The following OR5H14 variants were observed in gnomAD, a reference collection of about 807,000 sequenced individuals.
OR5H14 encodes the protein olfactory receptor 5H14.
For missense variants in OR5H14, 392 were observed against 363.9 expected (o/e 1.08, Z -0.63); for synonymous variants, 155 against 130.6 (o/e 1.19, Z -1.28).
rs1213514344 is a variant in OR5H14, at chr3:98,152,869, T to C, written c.*2551T>C. 1 of 103,046 alleles carries C rather than the reference T, an allele frequency of 9.7e-6. No individual in the cohort carries two copies. Among genetic ancestry groups the C allele is most frequent in the Non-Finnish European group, 2.0e-5 (1 of 50,154 alleles). The allele number at this position is 103,046 out of a possible 1,614,324, so 6.4% of individuals were successfully genotyped here. On this transcript the variant is annotated 3_prime_UTR_variant, in exon 2 of 2. Transcript: ENST00000641380. ...GAGTTGGGGTTTCTGTGTGCTTAGG[T>C]AGAAACCCATTTTGCTGGAGCCACC...
At chr3:98,148,285 A>AG (rs775687114) in intron 1 of OR5H14, among the ~76,000 whole-genome samples, 2 of 152,116 alleles carry the variant, frequency 1.3e-5, no homozygotes, top group Non-Finnish European at 2.9e-5. Flanking sequence ...GCTATTTACC[A>AG]GACATATGTC....
rs758841750 is a variant in OR5H14, at chr3:98,150,083, G to C, written c.698G>C (p.Gly233Ala). The C allele has an allele frequency of 1.1e-5, 17 of 1,610,870 alleles. 1 individual carries two copies. The Admixed American group carries it at 2.7e-4, about 26-fold the overall frequency. Reference sequence around the variant, plus strand: ...ATCTTGAAAAAGAAGTCTGTCAAAGGTATGAGAAAAGCCTTCTCCACCTGT... The same window carrying C: ...ATCTTGAAAAAGAAGTCTGTCAAAGCTATGAGAAAAGCCTTCTCCACCTGT... ...YTILKKKSVKGMRKAFSTCGA... is the reference protein window; with the variant it reads ...YTILKKKSVKAMRKAFSTCGA... The change falls in exon 2 of 2, where the codon GGT becomes GCT. Residue 233 changes from glycine (G) to alanine (A), a missense_variant. By Grantham distance (60) the Gly-to-Ala change is moderately conservative. Transcript: ENST00000641380.
chr3:98,154,945 A>G lies in OR5H14; in HGVS notation c.*4627A>G, dbSNP rs1708564576. 1 of 152,228 alleles carries G rather than the reference A, an allele frequency of 6.6e-6. No individual in the cohort carries two copies. The highest frequency in any genetic ancestry group is 1.5e-5 in the Non-Finnish European group (1 of 68,038). 9.4% of individuals were successfully genotyped at this position (152,228 alleles called of 1,614,324 possible). A position where few individuals can be genotyped will look rare whatever the true frequency, so the allele number is the denominator to read the frequency against. ...AGATTAGAAATTATGGCTCCTGATC[A>G]TCATGCAACTGGAGGCCATGGAATT... On this transcript the variant is annotated 3_prime_UTR_variant, in exon 2 of 2. Transcript: ENST00000641380.
chr3:98,154,238 T>C lies in OR5H14; in HGVS notation c.*3920T>C, dbSNP rs1203889469. On this transcript the variant is annotated 3_prime_UTR_variant, in exon 2 of 2. Transcript: ENST00000641380. ...TACTTTGTGAATGGATTCTAGAGGA[T>C]TATTTGTTATTTTCCCAACCCTTTT... is the stretch of plus-strand genomic sequence containing the variant. The C allele has an allele frequency of 6.6e-6, 1 of 152,156 alleles. No homozygotes were observed. The highest frequency in any genetic ancestry group is 1.9e-4 in the East Asian group (1 of 5,184). 9.4% of individuals were successfully genotyped at this position (152,156 alleles called of 1,614,324 possible). A position where few individuals can be genotyped will look rare whatever the true frequency, so the allele number is the denominator to read the frequency against.
At position 98,150,151 on chromosome 3, in the gene OR5H14, G is replaced by A. The variant is rs148799830; in HGVS notation, c.766G>A (p.Ala256Thr). Reference sequence around the variant, plus strand: ...TGTATCTTTATACTATGGGCCCCTCGCCTTCATGTATATGGGCTCTGCATC... The same window carrying A: ...TGTATCTTTATACTATGGGCCCCTCACCTTCATGTATATGGGCTCTGCATC... ...LSVSLYYGPL[A>T]FMYMGSASPQ... The change falls in exon 2 of 2, where the codon GCC becomes ACC. Residue 256 changes from alanine to threonine, a missense_variant. Ala to Thr is a moderately conservative substitution (Grantham distance 58). Transcript: ENST00000641380. 104 of 1,611,958 alleles carry A rather than the reference G, an allele frequency of 6.5e-5. 1 individual carries two copies. In the South Asian group the frequency reaches 6.9e-4, roughly 11 times the overall value.
Position 98,155,633 on chromosome 3 carries a change from T to TCTAAGATATATATCAC in OR5H14, c.*5317_*5318insAAGATATATATCACCT, listed in dbSNP as rs1708579903. On this transcript the variant is annotated 3_prime_UTR_variant, in exon 2 of 2. Transcript: ENST00000641380. ...AGCTCACCTGGAAGTTAGATATATG[T>TCTAAGATATATATCAC]CTGGAGTTTCAGCTGCAGTTTGAAG... 6.6e-6 allele frequency: 1 copy of TCTAAGATATATATCAC among 152,254 alleles called. No individual in the cohort carries two copies. Among genetic ancestry groups the TCTAAGATATATATCAC allele is most frequent in the Non-Finnish European group, 1.5e-5 (1 of 68,044 alleles). 9.4% of individuals were successfully genotyped at this position (152,254 alleles called of 1,614,324 possible).
rs989170279 is a variant in OR5H14, at chr3:98,156,059, T to C, written c.*5741T>C. On this transcript the variant is annotated 3_prime_UTR_variant, in exon 2 of 2. Transcript: ENST00000641380. ...TTCAGTTCTCTGACTTTTTCTCTCC[T>C]GGTCAAAACGGAGATATACAATTGG... The C allele has an allele frequency of 6.6e-6, 1 of 152,164 alleles. No individual in the cohort carries two copies. Among genetic ancestry groups the C allele is most frequent in the Non-Finnish European group, 1.5e-5 (1 of 68,006 alleles). The allele number at this position is 152,164 out of a possible 1,614,324, so 9.4% of individuals were successfully genotyped here. A position where few individuals can be genotyped will look rare whatever the true frequency, so the allele number is the denominator to read the frequency against.
Position 98,150,440 on chromosome 3 carries a change from A to T in OR5H14, c.*122A>T, listed in dbSNP as rs1708490177. On this transcript the variant is annotated 3_prime_UTR_variant, in exon 2 of 2. Transcript: ENST00000641380. The stretch of plus-strand genomic sequence containing the variant: ...TTATAACTGTCCTAGCGCTTTAATG[A>T]CCTATGATATAAGCACCTATTTAAC... The T allele has an allele frequency of 5.3e-6, 3 of 571,030 alleles. No individual in the cohort carries two copies. Among genetic ancestry groups the T allele is most frequent in the Non-Finnish European group, 9.0e-6 (3 of 334,426 alleles). 35.4% of individuals were successfully genotyped at this position (571,030 alleles called of 1,614,324 possible).
chr3:98,154,289 G>T lies in OR5H14; in HGVS notation c.*3971G>T, dbSNP rs555688408. On this transcript the variant is annotated 3_prime_UTR_variant, in exon 2 of 2. Transcript: ENST00000641380. ...TGTTCCTTTTCTGGAAGATTGAGGG[G>T]TTGGATCTTTCCTGTCTACCTTAGG... The T allele has an allele frequency of 4.6e-5, 7 of 152,274 alleles. No homozygotes were observed. Among genetic ancestry groups the T allele is most frequent in the African/African-American group, 1.7e-4 (7 of 41,560 alleles). The allele number at this position is 152,274 out of a possible 1,614,324, so 9.4% of individuals were successfully genotyped here. A position where few individuals can be genotyped will look rare whatever the true frequency, so the allele number is the denominator to read the frequency against.
In OR5H14 at chr3:98,155,548, CTTTGTT is replaced by C. The variant is rs1708578197; in HGVS notation, c.*5234_*5239del. ...AGGTGGCAAGGCATTGCAAGATTGT[CTTTGTT>C]TTTATTTTTTCCTCCCCCTGATGTT... On this transcript the variant is annotated 3_prime_UTR_variant, in exon 2 of 2. Transcript: ENST00000641380. 1 of 152,172 alleles carries C rather than the reference CTTTGTT, an allele frequency of 6.6e-6. No individual in the cohort carries two copies. Among genetic ancestry groups the C allele is most frequent in the African/African-American group, 2.4e-5 (1 of 41,460 alleles). 9.4% of individuals were successfully genotyped at this position (152,172 alleles called of 1,614,324 possible). A position where few individuals can be genotyped will look rare whatever the true frequency, so the allele number is the denominator to read the frequency against.
Position 98,149,974 on chromosome 3 carries a change from C to T in OR5H14, c.589C>T (p.Leu197=), listed in dbSNP as rs1190857966. ...TTATACTGATTCCTCTATTAACTTTCTAATGGTTTTTATTTTTGCAGGTTC... is the reference window on the plus strand; with the variant it reads ...TTATACTGATTCCTCTATTAACTTTTTAATGGTTTTTATTTTTGCAGGTTC... ...ISYTDSSINF[L]MVFIFAGSIQ... Residue 197 remains leucine (L), a synonymous_variant, in exon 2 of 2, where the codon CTA becomes TTA. Transcript: ENST00000641380. The T allele has an allele frequency of 6.2e-7, 1 of 1,612,872 alleles. No homozygotes were observed. The highest frequency in any genetic ancestry group is 1.3e-5 in the African/African-American group (1 of 74,788).
chr3:98,150,246 C>T lies in OR5H14; in HGVS notation c.861C>T (p.Pro287=), dbSNP rs762142061. Residue 287 remains proline, a synonymous_variant, in exon 2 of 2, where the codon CCC becomes CCT. Transcript: ENST00000641380. The part of the protein sequence containing the change: ...FYTVIVPLLN[P]MIYSLRNKQV... ...CTGTCATAGTTCCTTTATTAAATCC[C>T]ATGATCTACAGCCTGAGAAACAAGC... The T allele has an allele frequency of 9.8e-5, 158 of 1,610,358 alleles. No individual in the cohort carries two copies. The highest frequency in any genetic ancestry group is 1.3e-4 in the Non-Finnish European group (156 of 1,178,504).
rs143981381 is a variant in OR5H14 at position 98,149,498 on chromosome 3, C to T, written c.113C>T (p.Thr38Ile). The change falls in exon 2 of 2, where the codon ACC (threonine) becomes ATC (isoleucine). Residue 38 changes from threonine to isoleucine, a missense_variant. Thr to Ile is a moderately conservative substitution (Grantham distance 89, BLOSUM62 -1). Transcript: ENST00000641380. ...FLAFLVIYLITIMGNLGLIAV... is the reference protein window; with the variant it reads ...FLAFLVIYLIIIMGNLGLIAV... The stretch of plus-strand genomic sequence containing the variant: ...GCATTCTTGGTAATATATCTCATCA[C>T]CATCATGGGGAATCTTGGTCTGATT... 1.3e-4 allele frequency: 203 copies of T among 1,613,334 alleles called. No individual in the cohort carries two copies. Among genetic ancestry groups the T allele is most frequent in the Non-Finnish European group, 1.7e-4 (199 of 1,179,580 alleles).
rs533657503 is a variant in OR5H14 at position 98,149,205 on chromosome 3, ATT to A, written c.-18-157_-18-156del. 307 of 784,080 alleles carry A rather than the reference ATT, an allele frequency of 3.9e-4. 4 individuals carry two copies. In the African/African-American group the frequency reaches 4.2e-3, roughly 11 times the overall value. The allele number at this position is 784,080 out of a possible 1,614,324, so 48.6% of individuals were successfully genotyped here. A position where few individuals can be genotyped will look rare whatever the true frequency, so the allele number is the denominator to read the frequency against. ...CCAAATTTTCAAACTAAAATATGAC[ATT>A]TTTTTCATTTCTTTAACCCCTTATA... On this transcript the variant is annotated intron_variant, in intron 1 of 1. Transcript: ENST00000641380.
At chr3:98,149,116 A>T (rs1461337301) in intron 1 of OR5H14, among the ~76,000 whole-genome samples, 1 of 152,044 alleles carries the variant, frequency 6.6e-6, no homozygotes, top group Non-Finnish European at 1.5e-5. Context: ...CAGACACAGG[A>T]TTGTTCTACC....
At position 98,149,875 on chromosome 3, in the gene OR5H14, T is replaced by C. The variant is rs1708478793; in HGVS notation, c.490T>C (p.Phe164Leu). 6.2e-7 allele frequency: 1 copy of C among 1,613,126 alleles called. No individual in the cohort carries two copies. Among genetic ancestry groups the C allele is most frequent in the Admixed American group, 1.7e-5 (1 of 59,948 alleles). The change falls in exon 2 of 2, where the codon TTC (phenylalanine) becomes CTC (leucine). Residue 164 changes from phenylalanine (F) to leucine (L), a missense_variant. Coordinates refer to ENST00000641380, the MANE Select transcript of OR5H14 (RefSeq NM_001005514.2). ...TGCTTTAATCCATGAAGGATTTTTA[T>C]TCAGACTAACCTTCTGTAACTCCAA... ...LHALIHEGFL[F>L]RLTFCNSNII...
Position 98,152,834 on chromosome 3 carries a change from C to T in OR5H14, c.*2516C>T, listed in dbSNP as rs1708526219. The T allele has an allele frequency of 6.6e-6, 1 of 152,074 alleles. No homozygotes were observed. The highest frequency in any genetic ancestry group is 1.5e-5 in the Non-Finnish European group (1 of 68,010). The allele number at this position is 152,074 out of a possible 1,614,324, so 9.4% of individuals were successfully genotyped here. On this transcript the variant is annotated 3_prime_UTR_variant, in exon 2 of 2. Transcript: ENST00000641380. ...AGAAAAAAGTTAACATTTTCTTTAC[C>T]ATTTACTATGAGTTGGGGTTTCTGT... is the stretch of plus-strand genomic sequence containing the variant.
rs76303420 is a variant in OR5H14 at position 98,154,437 on chromosome 3, G to T, written c.*4119G>T. ...AAGAATTCTAAATTCCACAGAAAAT[G>T]TCTGGCACTTTTGTTTGGGACAAGG... On this transcript the variant is annotated 3_prime_UTR_variant, in exon 2 of 2. Transcript: ENST00000641380. The T allele has an allele frequency of 0.17, 25,688 of 147,642 alleles. No individual in the cohort carries two copies. Among genetic ancestry groups the T allele is most frequent in the East Asian group, 0.37 (1,793 of 4,908 alleles). The allele number at this position is 147,642 out of a possible 1,614,324, so 9.1% of individuals were successfully genotyped here.
Position 98,150,260 on chromosome 3 carries a change from T to G in OR5H14, c.875T>G (p.Leu292Arg). ...VPLLNPMIYS[L>R]RNKQVIASFT... ...TTATTAAATCCCATGATCTACAGCC[T>G]GAGAAACAAGCAAGTAATAGCTTCA... is the stretch of plus-strand genomic sequence containing the variant. Residue 292 changes from leucine to arginine, a missense_variant, in exon 2 of 2, where the codon CTG becomes CGG. Coordinates refer to ENST00000641380, the MANE Select transcript of OR5H14 (RefSeq NM_001005514.2). 1 of 1,602,560 alleles carries G rather than the reference T, an allele frequency of 6.2e-7. No homozygotes were observed. Among genetic ancestry groups the G allele is most frequent in the South Asian group, 1.1e-5 (1 of 88,456 alleles).
Sources: gnomAD v4.1 joint callset for allele counts (sites outside exome capture counted in the v4.1 genomes callset) on GRCh38, gnomAD v4.1.1 for gene constraint, MANE v1.5 for transcripts, NCBI Gene and HGNC (gene_info 2026-07-23, HGNC 2026-07-21) for gene names.